The following OR1J2 variants were observed in gnomAD, a reference collection of about 807,000 sequenced individuals.
OR1J2 encodes the protein olfactory receptor family 1 subfamily J member 2, also known as olfactory receptor 1J2.
For missense variants in OR1J2, 304 were observed against 246.1 expected (o/e 1.24, Z -1.57); for synonymous variants, 142 against 99.7 (o/e 1.42, Z -2.52).
At chr9:122,459,128 A>G in the OR1J2 span, among the ~76,000 whole-genome samples, 2 of 152,156 alleles carry the variant, frequency 1.3e-5, no homozygotes, top group African/African-American at 4.8e-5. Context: ...GTTGCTGCAA[A>G]TGACAGAATT....
chr9:122,516,980 AG>A, the OR1J2 span, among the ~76,000 whole-genome samples: 1 of 152,212 alleles, frequency 6.6e-6, no homozygotes, highest in African/African-American at 2.4e-5. Flanking sequence ...GGAGAAATAA[AG>A]GAGACTCAGG....
downstream of OR1J2, among the ~76,000 whole-genome samples, chr9:122,515,454 G>A (rs1392512511): frequency 6.7e-6 from 1 of 148,396 alleles, no homozygotes; most frequent in African/African-American, 2.6e-5. Flanking sequence ...AGTTCCTAAA[G>A]ACAGGGATGC....
At chr9:122,537,045 G>A in the OR1J2 span, among the ~76,000 whole-genome samples, 3 of 152,182 alleles carry the variant, frequency 2.0e-5, no homozygotes, top group African/African-American at 7.2e-5. Flanking sequence ...ACACCAAGTT[G>A]TAGAAGGAAG....
chr9:122,563,924 T>C, the OR1J2 span, among the ~76,000 whole-genome samples: 108 of 152,366 alleles, frequency 7.1e-4, no homozygotes, highest in African/African-American at 2.2e-3. Context: ...TGGCTATAGA[T>C]ACATGATTTA....
At chr9:122,502,036 G>A in the OR1J2 span, among the ~76,000 whole-genome samples, 4 of 152,214 alleles carry the variant, frequency 2.6e-5, no homozygotes, top group Non-Finnish European at 5.9e-5. Flanking sequence ...TGATGGATAT[G>A]GTAGTGGTGG....
chr9:122,491,490 G>A, the OR1J2 span, among the ~76,000 whole-genome samples: 1 of 152,098 alleles, frequency 6.6e-6, no homozygotes, highest in Admixed American at 6.6e-5. Flanking sequence ...AATAGTTGCT[G>A]AGGACAGACC....
At chr9:122,488,587 G>A in the OR1J2 span, among the ~76,000 whole-genome samples, 1 of 152,216 alleles carries the variant, frequency 6.6e-6, no homozygotes, top group Non-Finnish European at 1.5e-5. Context: ...TTTTTGGTTA[G>A]TGATGACACA....
At chr9:122,517,241 A>G in the OR1J2 span, among the ~76,000 whole-genome samples, 1 of 152,162 alleles carries the variant, frequency 6.6e-6, no homozygotes, top group Non-Finnish European at 1.5e-5. Context: ...TCAGTACAAC[A>G]TACTACCCTC....
At chr9:122,507,825 A>G (rs1191994366), upstream of OR1J2, among the ~76,000 whole-genome samples, 1 of 152,150 alleles carries the variant, frequency 6.6e-6, no homozygotes, top group Non-Finnish European at 1.5e-5. Flanking sequence ...TAATTGTGGC[A>G]GGAGGGAAAC....
downstream of OR1J2, among the ~76,000 whole-genome samples, chr9:122,515,352 T>TTTGTGTGTGTG (rs1554732982): frequency 7.4e-6 from 1 of 135,714 alleles, no homozygotes; most frequent in Non-Finnish European, 1.6e-5. Context: ...CAGGAGCAGG[T>TTTGTGTGTGTG]TGTGTGTGTG....
chr9:122,487,058 G>T, the OR1J2 span, among the ~76,000 whole-genome samples: 3 of 152,072 alleles, frequency 2.0e-5, no homozygotes, highest in Non-Finnish European at 2.9e-5. Context: ...ACCCTGGCCA[G>T]TGTTGTTGTT....
chr9:122,468,960 G>A, the OR1J2 span, among the ~76,000 whole-genome samples: 2 of 152,130 alleles, frequency 1.3e-5, no homozygotes, highest in Non-Finnish European at 1.5e-5. Context: ...TAATTCCTTG[G>A]GAGCAATTCC....
the OR1J2 span, among the ~76,000 whole-genome samples, chr9:122,475,978 G>A: frequency 9.1e-4 from 138 of 152,230 alleles, 1 homozygote; most frequent in Non-Finnish European, 1.6e-3. Flanking sequence ...TTCCTTTCAC[G>A]AACTATATGA....
the OR1J2 span, among the ~76,000 whole-genome samples, chr9:122,534,705 G>C: frequency 1.3e-5 from 2 of 152,084 alleles, no homozygotes; most frequent in Non-Finnish European, 2.9e-5. Flanking sequence ...AGGAAGATTA[G>C]AAGGACTCAG....
At chr9:122,479,392 C>T in the OR1J2 span, among the ~76,000 whole-genome samples, 17 of 152,298 alleles carry the variant, frequency 1.1e-4, no homozygotes, top group African/African-American at 4.1e-4. Flanking sequence ...AGTCTCTCGG[C>T]CTTTGTGTTT....
the OR1J2 span, among the ~76,000 whole-genome samples, chr9:122,550,413 C>T: frequency 6.6e-6 from 1 of 152,146 alleles, no homozygotes; most frequent in South Asian, 2.1e-4. Context: ...GCAGGTATCA[C>T]CTGGATATCA....
chr9:122,554,302 A>AC, the OR1J2 span: 30 of 650,518 alleles, frequency 4.6e-5, no homozygotes, highest in Non-Finnish European at 7.0e-5. Context: ...AAAAAAAAAA[A>AC]GAGTGTTTCA....
At chr9:122,487,333 G>C in the OR1J2 span, among the ~76,000 whole-genome samples, 1 of 151,980 alleles carries the variant, frequency 6.6e-6, no homozygotes, top group Non-Finnish European at 1.5e-5. Context: ...TTCCTAAAGA[G>C]GAAAGTACAA....
the OR1J2 span, among the ~76,000 whole-genome samples, chr9:122,541,445 C>A: frequency 2.0e-5 from 3 of 152,148 alleles, no homozygotes; most frequent in African/African-American, 7.2e-5. Context: ...CTTTTCACTG[C>A]ACACTGCTCA....
Sources: allele counts gnomAD v4.1 joint callset (sites outside exome capture counted in the v4.1 genomes callset), GRCh38; gene constraint gnomAD v4.1.1; transcripts MANE v1.5; gene names NCBI Gene and HGNC (gene_info 2026-07-23, HGNC 2026-07-21).